Variants in LIPC observed in about 807,000 individuals in gnomAD.
The protein encoded by LIPC is lipase C, hepatic type.
Under a neutral mutation model 50.7 loss-of-function variants are expected in LIPC, and 44 were observed. The observed-to-expected ratio is 0.87, with a 90% CI of 0.68 to 1.11. The LOEUF (loss-of-function observed/expected upper bound fraction) is 1.11. LIPC is among the 50% of genes most tolerant of loss of function. The pLI is 0.00. For missense variants in LIPC, 697 were observed against 648.2 expected, an observed-to-expected ratio of 1.08 and a Z score of -0.82; for synonymous variants, 271 against 256.4, an observed-to-expected ratio of 1.06 and a Z score of -0.54.
intron 1 of LIPC, among the ~76,000 whole-genome samples, chr15:58,449,340 C>G (rs1464170144): frequency 6.6e-6 from 1 of 152,190 alleles, no homozygotes. Flanking sequence ...AGGTGCATCT[C>G]TCTCCTTCTC....
At chr15:58,498,049 A>G (rs977974354) in intron 1 of LIPC, among the ~76,000 whole-genome samples, 8 of 152,246 alleles carry the variant, frequency 5.3e-5, no homozygotes, top group Admixed American at 2.6e-4. Context: ...CCTTGCACAC[A>G]CTAGGTGTTT....
intron 1 of LIPC, among the ~76,000 whole-genome samples, chr15:58,491,658 A>G (rs1250997175): frequency 2.0e-5 from 3 of 152,188 alleles, no homozygotes; most frequent in African/African-American, 7.2e-5. Flanking sequence ...TCAGGCAGCA[A>G]CAACTTCACA....
At chr15:58,549,671 G>A (rs1290532737) in intron 6 of LIPC, among the ~76,000 whole-genome samples, 3 of 152,184 alleles carry the variant, frequency 2.0e-5, no homozygotes, top group Non-Finnish European at 4.4e-5. Flanking sequence ...TCTGTGTATC[G>A]GAACTTTTGC....
intron 1 of LIPC, chr15:58,456,320 T>C (rs901152561): frequency 3.3e-5 from 5 of 152,206 alleles, no homozygotes; most frequent in South Asian, 4.1e-4. Context: ...TAGAAGAAAA[T>C]GCACTTAAAT....
chr15:58,522,834 CTCCAGAGTTCAGTTTCT>C (rs533257959), intron 1 of LIPC: 13 of 152,464 alleles, frequency 8.5e-5, no homozygotes, highest in African/African-American at 3.1e-4. Flanking sequence ...TCTCAGTTTC[CTCCAGAGTTCAGTTTCT>C]TCCAAAAAGC....
Position 58,568,824 on chromosome 15 carries a change from A to G in LIPC, c.1497A>G (p.Arg499=), listed in dbSNP as rs1894470443. 2 of 1,539,898 alleles carry G rather than the reference A, an allele frequency of 1.3e-6. No homozygotes were observed. The highest frequency in any genetic ancestry group is 1.8e-6 in the Non-Finnish European group (2 of 1,116,108). Residue 499 remains arginine (R), a synonymous_variant, in exon 9 of 9, where the codon AGA becomes AGG. Transcript: ENST00000299022. The part of the protein sequence containing the change: ...IKSKTSKRKI[R] ...CTAAAACATCAAAGCGAAAGATCAGATGAGATTTAATGAAGACCCAGTGTA... is the reference window on the plus strand; with the variant it reads ...CTAAAACATCAAAGCGAAAGATCAGGTGAGATTTAATGAAGACCCAGTGTA...
chr15:58,552,074 G>C (rs547733435), intron 6 of LIPC, among the ~76,000 whole-genome samples: 3 of 152,320 alleles, frequency 2.0e-5, no homozygotes, highest in Non-Finnish European at 4.4e-5. Context: ...TTAAGGGAGG[G>C]GGAGGGAAAC....
intron 7 of LIPC, among the ~76,000 whole-genome samples, chr15:58,561,871 C>T (rs758585101): frequency 6.6e-6 from 1 of 152,092 alleles, no homozygotes; most frequent in Non-Finnish European, 1.5e-5. Flanking sequence ...AGAGGCGTGT[C>T]CCACCTCCCC....
intron 1 of LIPC, among the ~76,000 whole-genome samples, chr15:58,472,141 C>T (rs556524915): frequency 5.3e-5 from 8 of 151,672 alleles, no homozygotes; most frequent in Middle Eastern, 3.4e-3. Context: ...CATGGTGGCA[C>T]GTGCCTGTAA....
chr15:58,535,045 A>G (rs1179804425), intron 1 of LIPC, among the ~76,000 whole-genome samples: 1 of 152,200 alleles, frequency 6.6e-6, no homozygotes, highest in Non-Finnish European at 1.5e-5. Flanking sequence ...TAGGCACCAG[A>G]GCCCCACTTT....
rs781489450 is a variant in LIPC, at chr15:58,545,886, A to G, written c.719A>G (p.His240Arg). The G allele has an allele frequency of 6.2e-7, 1 of 1,614,192 alleles. No individual in the cohort carries two copies. The highest frequency in any genetic ancestry group is 1.7e-5 in the Admixed American group (1 of 60,028). The change falls in exon 5 of 9, where the codon CAC becomes CGC. Residue 240 changes from histidine (H) to arginine (R), a missense_variant. Coordinates refer to ENST00000299022, the MANE Select transcript of LIPC (RefSeq NM_000236.3). ...GTGGGCATCAAACAGCCCATAGGAC[A>G]CTATGACTTCTATCCCAACGGGGGC... is the stretch of plus-strand genomic sequence containing the variant. ...LSVGIKQPIG[H>R]YDFYPNGGSF... is the part of the protein sequence containing the mutation.
At chr15:58,461,920 GT>G (rs1186153353) in intron 1 of LIPC, among the ~76,000 whole-genome samples, 11 of 149,444 alleles carry the variant, frequency 7.4e-5, no homozygotes, top group Non-Finnish European at 1.6e-4. Context: ...GCCTCGTGCT[GT>G]CCCCCCGCCC....
chr15:58,535,517 C>T (rs867463348), intron 1 of LIPC, among the ~76,000 whole-genome samples: 4 of 152,192 alleles, frequency 2.6e-5, no homozygotes, highest in African/African-American at 7.2e-5. Context: ...TGAACAGCCT[C>T]GAAGCCTCAG....
intron 1 of LIPC, among the ~76,000 whole-genome samples, chr15:58,433,473 G>C (rs762776478): frequency 2.0e-5 from 3 of 152,130 alleles, no homozygotes; most frequent in African/African-American, 7.2e-5. Flanking sequence ...GCTCTTTTGC[G>C]TCTGGCTTCT....
chr15:58,523,962 C>A (rs921211674), intron 1 of LIPC, among the ~76,000 whole-genome samples: 107 of 152,216 alleles, frequency 7.0e-4, no homozygotes, highest in Non-Finnish European at 1.3e-4. Context: ...AAAAGAAATT[C>A]TTTTAAGGAA....
At chr15:58,553,486 C>T (rs1893830724) in intron 6 of LIPC, among the ~76,000 whole-genome samples, 1 of 152,178 alleles carries the variant, frequency 6.6e-6, no homozygotes, top group Non-Finnish European at 1.5e-5. Context: ...GTCCCAGCTA[C>T]TTGGGAGACT....
chr15:58,518,875 C>T (rs944163048), intron 1 of LIPC, among the ~76,000 whole-genome samples: 6 of 151,004 alleles, frequency 4.0e-5, no homozygotes, highest in African/African-American at 1.2e-4. Flanking sequence ...GTGGTGGTTA[C>T]GGTGGTTGTA....
chr15:58,517,305 G>GCCC (rs1390621106), intron 1 of LIPC, among the ~76,000 whole-genome samples: 4 of 152,342 alleles, frequency 2.6e-5, no homozygotes, highest in Non-Finnish European at 5.9e-5. Context: ...AGAGAATTGT[G>GCCC]CCCCCTCTCT....
intron 1 of LIPC, among the ~76,000 whole-genome samples, chr15:58,527,791 T>G (rs12591521): frequency 0.12 from 18,486 of 150,014 alleles, 1,681 homozygotes; most frequent in East Asian, 0.33. Flanking sequence ...ATAAATGAAT[T>G]AATGAATGAA....
Sources: allele counts gnomAD v4.1 joint callset (sites outside exome capture counted in the v4.1 genomes callset), GRCh38; gene constraint gnomAD v4.1.1; transcripts MANE v1.5; gene names NCBI Gene and HGNC (gene_info 2026-07-23, HGNC 2026-07-21).